Variants in GAB2 observed in about 807,000 individuals in gnomAD.
The protein encoded by GAB2 is GRB2-associated-binding protein 2.
In GAB2, 26 loss-of-function variants were observed where a neutral mutation model predicts 65.5. The ratio of observed to expected loss-of-function variants is 0.40; its 90% confidence interval spans 0.29 to 0.55. GAB2 has a LOEUF of 0.55. Among genes scored for constraint, GAB2 ranks in the 20% least tolerant of loss-of-function variants. GAB2 has a pLI of 0.53. For synonymous variants in GAB2, 321 were observed against 329.6 expected, an observed-to-expected ratio of 0.97 and a Z score of 0.28; for missense variants, 884 against 875.8, an observed-to-expected ratio of 1.01 and a Z score of -0.12.
intron 3 of GAB2, among the ~76,000 whole-genome samples, chr11:78,244,546 A>G (rs1865238971): frequency 1.3e-5 from 2 of 151,782 alleles, no homozygotes. Context: ...GATATCCAGC[A>G]TATACAAGGA....
At chr11:78,277,962 A>T (rs1258469444) in intron 2 of GAB2, among the ~76,000 whole-genome samples, 1 of 152,018 alleles carries the variant, frequency 6.6e-6, no homozygotes, top group Non-Finnish European at 1.5e-5. Context: ...CTTTCTTCTG[A>T]GGAGGCAAGA....
In GAB2 at chr11:78,264,667, C is replaced by A. The variant is rs1018992087; in HGVS notation, c.377-14267G>T. ...AGGTGGTTTATCTCCCTTGGCCTCC[C>A]AAAGTGTTGGGATTACAGGCGTGAG... On this transcript the variant is annotated intron_variant, in intron 2 of 9. Coordinates refer to ENST00000361507, the MANE Select transcript of GAB2 (RefSeq NM_080491.3). Among the ~76,000 whole-genome samples the A allele has an allele frequency of 2.0e-5, 3 of 152,036 alleles. No individual in the cohort carries two copies. In the East Asian group the frequency reaches 5.8e-4, roughly 29 times the overall value.
intron 3 of GAB2, among the ~76,000 whole-genome samples, chr11:78,244,375 G>C (rs767231086): frequency 2.0e-5 from 3 of 150,660 alleles, no homozygotes; most frequent in Non-Finnish European, 3.0e-5. Flanking sequence ...CTGTACGACA[G>C]AGGGAGATTC....
At chr11:78,274,501 G>A (rs1270739818) in intron 2 of GAB2, among the ~76,000 whole-genome samples, 1 of 152,180 alleles carries the variant, frequency 6.6e-6, no homozygotes, top group Non-Finnish European at 1.5e-5. Context: ...TGTCTGTCTG[G>A]ATGCATCCAT....
chr11:78,328,782 G>A, intron 1 of GAB2, among the ~76,000 whole-genome samples: 1 of 130,100 alleles, frequency 7.7e-6, no homozygotes, highest in South Asian at 2.9e-4. Context: ...GGTGGGGGTG[G>A]GGTGAGAATT....
intron 3 of GAB2, among the ~76,000 whole-genome samples, chr11:78,234,393 G>A (rs900830444): frequency 3.9e-5 from 6 of 151,942 alleles, no homozygotes; most frequent in African/African-American, 9.7e-5. Context: ...TAGAAGTTTC[G>A]TAGTATTAGA....
At chr11:78,361,171 A>C (rs1370665286) in intron 1 of GAB2, among the ~76,000 whole-genome samples, 1 of 152,202 alleles carries the variant, frequency 6.6e-6, no homozygotes, top group Non-Finnish European at 1.5e-5. Flanking sequence ...ATAAAGCTGA[A>C]ACAAAGTTGA....
intron 1 of GAB2, among the ~76,000 whole-genome samples, chr11:78,361,397 C>A (rs746842225): frequency 6.6e-6 from 1 of 151,866 alleles, no homozygotes; most frequent in Non-Finnish European, 1.5e-5. Context: ...TCCTGCATGG[C>A]AACACGGACA....
Position 78,221,787 on chromosome 11 carries a change from G to C in GAB2, c.1659-8C>G. ...CTGGAGTTGAAGGTGTGGCTGTTGT[G>C]GGAAGGAAGAGTTAACACTGGGGAA... On this transcript the variant is annotated splice_polypyrimidine_tract_variant and splice_region_variant and intron_variant, in intron 7 of 9. Transcript: ENST00000361507. 4 of 1,600,788 alleles carry C rather than the reference G, an allele frequency of 2.5e-6. No individual in the cohort carries two copies. Among genetic ancestry groups the C allele is most frequent in the Non-Finnish European group, 3.4e-6 (4 of 1,168,266 alleles).
chr11:78,405,686 G>A (rs1857034336), intron 1 of GAB2, among the ~76,000 whole-genome samples: 1 of 152,126 alleles, frequency 6.6e-6, no homozygotes, highest in African/African-American at 2.4e-5. Flanking sequence ...AGCTTAAGAA[G>A]AATCTAAAAG....
intron 1 of GAB2, among the ~76,000 whole-genome samples, chr11:78,344,073 G>GT (rs1413688392): frequency 6.6e-6 from 1 of 152,152 alleles, no homozygotes; most frequent in African/African-American, 2.4e-5. Flanking sequence ...TATGCAAGGA[G>GT]TTACAAAGTT....
At chr11:78,250,478 A>C in intron 2 of GAB2, 78 bp from the exon 3 acceptor site, 1 of 1,293,972 alleles carries the variant, frequency 7.7e-7, no homozygotes, top group Non-Finnish European at 1.1e-6. Context: ...TCAGAGGAAG[A>C]AAAAAGAGTA....
chr11:78,341,963 A>G, intron 1 of GAB2: 1 of 783,048 alleles, frequency 1.3e-6, no homozygotes, highest in Non-Finnish European at 1.6e-6. Flanking sequence ...GAAGGGAGAC[A>G]AAGGCCAGTG....
At chr11:78,309,318 TCAC>T (rs554732720) in intron 1 of GAB2, among the ~76,000 whole-genome samples, 185 of 152,282 alleles carry the variant, frequency 1.2e-3, no homozygotes, top group African/African-American at 4.2e-3. Context: ...TGTACAACCA[TCAC>T]CACTATTTAA....
In GAB2 at chr11:78,220,233, C is replaced by G; in HGVS notation, c.1887+86G>C. On this transcript the variant is annotated intron_variant, in intron 9 of 9. Transcript: ENST00000361507. ...AGGAGGGAGGCTGAGTGCTGCTGTT[C>G]AGTGTTGAAGGCACCCTGGCCTCCA... 2.1e-6 allele frequency: 3 copies of G among 1,420,252 alleles called. No homozygotes were observed. In the South Asian group the frequency reaches 3.6e-5, roughly 17 times the overall value. The allele number at this position is 1,420,252 out of a possible 1,614,324, so 88.0% of individuals were successfully genotyped here. A position where few individuals can be genotyped will look rare whatever the true frequency, so the allele number is the denominator to read the frequency against.
In GAB2 at chr11:78,223,470, G is replaced by T. The variant is rs1308890517; in HGVS notation, c.1509C>A (p.Ser503Arg). ...GGGGTGGCTGAATCTCACTTCCTCT[G>T]CTGGGGCCTCGGTGCACAGGAAGGG... is the stretch of plus-strand genomic sequence containing the variant. Reference protein sequence around the residue: ...STTLPVHRGPSRGSEIQPPPV... With the variant: ...STTLPVHRGPRRGSEIQPPPV... The change falls in exon 6 of 10, where the codon AGC (serine) becomes AGA (arginine). Residue 503 changes from serine to arginine, a missense_variant. By Grantham distance (110) the Ser-to-Arg change is moderately radical. Transcript: ENST00000361507. The T allele has an allele frequency of 1.9e-6, 3 of 1,598,546 alleles. No homozygotes were observed. Among genetic ancestry groups the T allele is most frequent in the Non-Finnish European group, 2.6e-6 (3 of 1,171,130 alleles).
chr11:78,414,198 A>G (rs1277137105), intron 1 of GAB2, among the ~76,000 whole-genome samples: 3 of 152,132 alleles, frequency 2.0e-5, no homozygotes, highest in Non-Finnish European at 2.9e-5. Context: ...CATCATTTCA[A>G]TTTTCCTTTG....
chr11:78,328,136 A>G (rs1403720322), intron 1 of GAB2, among the ~76,000 whole-genome samples: 5 of 152,200 alleles, frequency 3.3e-5, no homozygotes, highest in Admixed American at 3.3e-4. Flanking sequence ...TCCCTGAGCA[A>G]GATTCCGAGA....
At chr11:78,299,687 G>C (rs1454148470) in intron 1 of GAB2, among the ~76,000 whole-genome samples, 4 of 152,198 alleles carry the variant, frequency 2.6e-5, no homozygotes, top group African/African-American at 9.6e-5. Flanking sequence ...AGGATGACAT[G>C]AGAAACAGAA....
Sources: allele counts gnomAD v4.1 joint callset (sites outside exome capture counted in the v4.1 genomes callset), GRCh38; gene constraint gnomAD v4.1.1; transcripts MANE v1.5; gene names NCBI Gene and HGNC (gene_info 2026-07-23, HGNC 2026-07-21).